Variants in RIT2 observed in about 807,000 individuals in gnomAD.
RIT2 encodes GTP-binding protein Rit2.
RIT2 carries 24 observed loss-of-function variants against 23.7 expected under a neutral mutation model. The ratio of observed to expected loss-of-function variants is 1.01; its 90% confidence interval spans 0.73 to 1.43. RIT2 has a LOEUF of 1.43. Among genes scored for constraint, RIT2 ranks in the 40% most tolerant of loss-of-function variants. The pLI, the probability that RIT2 is intolerant of heterozygous loss-of-function variation, is 0.00. For synonymous variants in RIT2, 107 were observed against 91.1 expected, an observed-to-expected ratio of 1.17 and a Z score of -0.99; for missense variants, 236 against 266.9, an observed-to-expected ratio of 0.88 and a Z score of 0.81.
intron 2 of RIT2, among the ~76,000 whole-genome samples, chr18:43,001,702 T>G (rs906326374): frequency 6.6e-6 from 1 of 152,058 alleles, no homozygotes; most frequent in African/African-American, 2.4e-5. Context: ...GAAAGTTTAA[T>G]TTCACTTCTT....
At chr18:42,817,849 T>C (rs779013243) in intron 4 of RIT2, among the ~76,000 whole-genome samples, 10 of 152,092 alleles carry the variant, frequency 6.6e-5, no homozygotes, top group Non-Finnish European at 1.5e-4. Context: ...ATAATGTACC[T>C]AATATAGCGC....
intron 1 of RIT2, among the ~76,000 whole-genome samples, chr18:43,107,868 A>G (rs1913861654): frequency 6.6e-6 from 1 of 152,110 alleles, no homozygotes. Context: ...TTTAAAATAC[A>G]TGCATGAAAA....
intron 1 of RIT2, among the ~76,000 whole-genome samples, chr18:43,073,914 G>T (rs1039509125): frequency 5.3e-5 from 8 of 152,078 alleles, no homozygotes; most frequent in Admixed American, 3.9e-4. Flanking sequence ...AGCATGGAAG[G>T]GTATTTGATA....
chr18:42,883,033 T>C (rs920325671), intron 4 of RIT2, among the ~76,000 whole-genome samples: 3 of 152,166 alleles, frequency 2.0e-5, no homozygotes, highest in Non-Finnish European at 4.4e-5. Flanking sequence ...TCTCACTGTA[T>C]ATCTAAAAAC....
In RIT2 at chr18:43,006,581, A is replaced by C. The variant is rs1303375631; in HGVS notation, c.160+27230T>G. ...CAGAAATAAAGGCTTAAGTAGAAAG[A>C]GCTCAAGAGTGAATAAATACAATTG... On this transcript the variant is annotated intron_variant, in intron 2 of 4. Coordinates refer to ENST00000326695, the MANE Select transcript of RIT2 (RefSeq NM_002930.4). 5.3e-5 allele frequency among the ~76,000 whole-genome samples: 8 copies of C among 151,702 alleles called. No homozygotes were observed. In the East Asian group the frequency reaches 1.6e-3, roughly 29 times the overall value.
intron 4 of RIT2, among the ~76,000 whole-genome samples, chr18:42,899,569 A>T (rs1264336907): frequency 1.3e-5 from 2 of 152,102 alleles, no homozygotes; most frequent in East Asian, 3.9e-4. Flanking sequence ...GGTTCTTCTC[A>T]TGAGAGCTAT....
intron 2 of RIT2, among the ~76,000 whole-genome samples, chr18:42,974,669 C>G (rs1376442753): frequency 6.6e-6 from 1 of 151,622 alleles, no homozygotes; most frequent in Non-Finnish European, 1.5e-5. Flanking sequence ...TATGTAGAAC[C>G]CTAAAGATTA....
chr18:42,823,870 T>C (rs972668533), intron 4 of RIT2, among the ~76,000 whole-genome samples: 5 of 152,122 alleles, frequency 3.3e-5, no homozygotes, highest in Non-Finnish European at 7.4e-5. Context: ...GCTCTCCCTA[T>C]CATCTTATCC....
intron 2 of RIT2, among the ~76,000 whole-genome samples, chr18:43,002,652 G>A (rs1229535542): frequency 1.3e-5 from 2 of 151,808 alleles, no homozygotes; most frequent in Non-Finnish European, 2.9e-5. Context: ...CCACCGGGGA[G>A]GAAGAAATCT....
intron 4 of RIT2, among the ~76,000 whole-genome samples, chr18:42,777,666 G>T (rs929916719): frequency 6.6e-6 from 1 of 152,154 alleles, no homozygotes; most frequent in African/African-American, 2.4e-5. Flanking sequence ...CCTCACTTCA[G>T]ATTTGTTAGA....
intron 1 of RIT2, among the ~76,000 whole-genome samples, chr18:43,085,330 C>G (rs1035913768): frequency 6.6e-6 from 1 of 151,846 alleles, no homozygotes; most frequent in Non-Finnish European, 1.5e-5. Context: ...ACCTCACAAC[C>G]TTATTGGGTT....
chr18:42,881,579 C>CA (rs1907896234), intron 4 of RIT2, among the ~76,000 whole-genome samples: 1 of 152,162 alleles, frequency 6.6e-6, no homozygotes, highest in Non-Finnish European at 1.5e-5. Context: ...GGTGTTGTAG[C>CA]AAATGACTTG....
intron 2 of RIT2, among the ~76,000 whole-genome samples, chr18:43,018,040 T>G (rs1911513151): frequency 6.6e-6 from 1 of 152,096 alleles, no homozygotes; most frequent in South Asian, 2.1e-4. Flanking sequence ...TTCCTTTTTT[T>G]GTACCACATA....
At chr18:42,863,032 G>GAT (rs796901329) in intron 4 of RIT2, among the ~76,000 whole-genome samples, 1 of 143,910 alleles carries the variant, frequency 6.9e-6, no homozygotes, top group Non-Finnish European at 1.5e-5. Flanking sequence ...CATGCCTCCT[G>GAT]TTTTTTTTTT....
At chr18:42,959,922 G>A (rs1014546367) in intron 3 of RIT2, among the ~76,000 whole-genome samples, 5 of 152,256 alleles carry the variant, frequency 3.3e-5, no homozygotes, top group South Asian at 2.1e-4. Flanking sequence ...TGAAGTAAAC[G>A]TAGTATGGGT....
At chr18:42,904,406 T>G (rs2032341) in intron 4 of RIT2, among the ~76,000 whole-genome samples, 6,352 of 152,202 alleles carry the variant, frequency 0.042, 283 homozygotes, top group East Asian at 0.16. Flanking sequence ...GTATTAGTCC[T>G]AAGCTACTGG....
At chr18:42,867,511 G>A (rs1598690857) in intron 4 of RIT2, among the ~76,000 whole-genome samples, 2 of 152,112 alleles carry the variant, frequency 1.3e-5, no homozygotes, top group East Asian at 1.9e-4. Flanking sequence ...AAATGCTATT[G>A]GAAGGGCATA....
intron 4 of RIT2, among the ~76,000 whole-genome samples, chr18:42,796,087 C>G (rs141301732): frequency 1.2e-4 from 19 of 152,220 alleles, no homozygotes; most frequent in Admixed American, 2.0e-4. Context: ...CTCTTCCACA[C>G]TGTGGAAGCT....
chr18:43,008,946 G>T (rs1235799663), intron 2 of RIT2, among the ~76,000 whole-genome samples: 3 of 151,494 alleles, frequency 2.0e-5, no homozygotes, highest in Admixed American at 6.6e-5. Context: ...GTTCATGTTT[G>T]TCTTGTTAAA....
Sources: allele counts gnomAD v4.1 joint callset (sites outside exome capture counted in the v4.1 genomes callset), GRCh38; gene constraint gnomAD v4.1.1; transcripts MANE v1.5; gene names NCBI Gene and HGNC (gene_info 2026-07-23, HGNC 2026-07-21).